The following ZC3H13 variants were observed in gnomAD, a reference collection of about 807,000 sequenced individuals.
ZC3H13 encodes the protein zinc finger CCCH-type containing 13.
Under a neutral mutation model 204.1 loss-of-function variants are expected in ZC3H13, and 64 were observed. The observed-to-expected ratio is 0.31, with a 90% CI of 0.26 to 0.39. The LOEUF (loss-of-function observed/expected upper bound fraction) is 0.39, where lower values mean the gene tolerates loss of function less well. Among genes scored for constraint, ZC3H13 ranks in the 10% least tolerant of loss-of-function variants. The pLI, the probability that ZC3H13 is intolerant of heterozygous loss-of-function variation, is 1.00. For missense variants in ZC3H13, 1,833 were observed against 2,082.7 expected (o/e 0.88, Z 2.33); for synonymous variants, 667 against 693.7 (o/e 0.96, Z 0.60).
Position 46,044,689 on chromosome 13 carries a change from G to C in ZC3H13, c.227+266C>G, listed in dbSNP as rs534047945. ...AAGCAGCAATTTAATACATAATTAGGGGGGAAAAAGTAAGCCATACACATA... is the reference window on the plus strand; with the variant it reads ...AAGCAGCAATTTAATACATAATTAGCGGGGAAAAAGTAAGCCATACACATA... On this transcript the variant is annotated intron_variant, in intron 3 of 18. Transcript: ENST00000679008. Among the ~76,000 whole-genome samples, 19 of 151,978 alleles carry C rather than the reference G, an allele frequency of 1.3e-4. No homozygotes were observed. The South Asian group carries it at 1.5e-3, about 12-fold the overall frequency.
intron 13 of ZC3H13, 121 bp downstream of exon 13, chr13:45,970,241 G>T: frequency 1.9e-6 from 2 of 1,074,938 alleles, no homozygotes; most frequent in Non-Finnish European, 2.7e-6. Context: ...ATATTTAGAG[G>T]CAGCAAAGCA....
intron 16 of ZC3H13, 25 bp downstream of exon 16, chr13:45,965,255 T>G (rs1199758687): frequency 6.2e-7 from 1 of 1,610,130 alleles, no homozygotes; most frequent in Admixed American, 1.7e-5. Context: ...AATTTTCATG[T>G]TTAACCACCT....
chr13:45,966,424 A>C lies in ZC3H13; in HGVS notation c.4322-992T>G, dbSNP rs190368808. Among the ~76,000 whole-genome samples, 25 of 152,312 alleles carry C rather than the reference A, an allele frequency of 1.6e-4. 1 individual carries two copies. In the East Asian group the frequency reaches 4.8e-3, roughly 29 times the overall value. The stretch of plus-strand genomic sequence containing the variant: ...AACTTTGTCATATAAACATACATCT[A>C]AACATAAATGCACATAATAGGATTT... On this transcript the variant is annotated intron_variant, in intron 15 of 18. Coordinates refer to ENST00000679008, the MANE Select transcript of ZC3H13 (RefSeq NM_001330564.2).
In ZC3H13 at chr13:46,010,240, A is replaced by G. The variant is rs199575106; in HGVS notation, c.746+108T>C. Reference sequence around the variant, plus strand: ...ATTTCTTTTTAGAACAAAAAAGCTTACATTAAATATAAAATGTACTAAAAG... The same window carrying G: ...ATTTCTTTTTAGAACAAAAAAGCTTGCATTAAATATAAAATGTACTAAAAG... On this transcript the variant is annotated intron_variant, in intron 7 of 18. Transcript: ENST00000679008. 3.4e-5 allele frequency: 38 copies of G among 1,127,870 alleles called. No homozygotes were observed. In the East Asian group the frequency reaches 1.0e-3, roughly 30 times the overall value. The allele number at this position is 1,127,870 out of a possible 1,614,324, so 69.9% of individuals were successfully genotyped here. A position where few individuals can be genotyped will look rare whatever the true frequency, so the allele number is the denominator to read the frequency against.
At chr13:45,987,849 A>G (rs1360036595) in intron 9 of ZC3H13, among the ~76,000 whole-genome samples, 1 of 152,242 alleles carries the variant, frequency 6.6e-6, no homozygotes, top group Non-Finnish European at 1.5e-5. Flanking sequence ...TACGAAGACC[A>G]GAAGCTTAGA....
chr13:46,037,795 T>C (rs562553916), intron 4 of ZC3H13, among the ~76,000 whole-genome samples: 1 of 152,362 alleles, frequency 6.6e-6, no homozygotes, highest in African/African-American at 2.4e-5. Context: ...ATTAAAATAC[T>C]GATAACATTA....
chr13:46,025,626 T>C (rs2042498940), intron 4 of ZC3H13, among the ~76,000 whole-genome samples: 1 of 152,186 alleles, frequency 6.6e-6, no homozygotes, highest in African/African-American at 2.4e-5. Flanking sequence ...CTCATTTTAT[T>C]TTAAAAGAAT....
At chr13:45,985,798 T>C (rs370912278) in intron 9 of ZC3H13, 37 bp from the exon 10 acceptor site, 1 of 1,533,106 alleles carries the variant, frequency 6.5e-7, no homozygotes. Context: ...GTAATTGCTT[T>C]TACAAAGTTT....
At chr13:45,962,815 C>T (rs1951788233) in intron 17 of ZC3H13, 2 of 985,260 alleles carry the variant, frequency 2.0e-6, no homozygotes, top group Non-Finnish European at 2.4e-6. Context: ...CCTTTTACCT[C>T]CTTTTCCTTC....
chr13:45,972,179 A>G (rs1281422478), intron 12 of ZC3H13, among the ~76,000 whole-genome samples: 1 of 147,396 alleles, frequency 6.8e-6, no homozygotes, highest in Non-Finnish European at 1.5e-5. Flanking sequence ...TCATTATATG[A>G]AAAAAAAAAA....
intron 18 of ZC3H13, among the ~76,000 whole-genome samples, chr13:45,958,253 T>C (rs997970742): frequency 5.9e-5 from 9 of 152,234 alleles, no homozygotes; most frequent in Non-Finnish European, 1.2e-4. Context: ...TTTAATGAAG[T>C]AATCTTTTCT....
chr13:46,023,433 T>C (rs1033929998), intron 4 of ZC3H13, among the ~76,000 whole-genome samples: 23 of 152,190 alleles, frequency 1.5e-4, no homozygotes, highest in African/African-American at 4.8e-4. Flanking sequence ...ACAAATCTAA[T>C]ACTTCTTTCA....
Position 45,965,287 on chromosome 13 carries a change from C to G in ZC3H13, c.4467G>C (p.Lys1489Asn). The G allele has an allele frequency of 6.2e-7, 1 of 1,612,946 alleles. No individual in the cohort carries two copies. The highest frequency in any genetic ancestry group is 1.3e-5 in the African/African-American group (1 of 74,968). Residue 1489 changes from lysine (K) to asparagine (N), a missense_variant, in exon 16 of 19, where the codon AAG becomes AAC. Around this residue, in one of 5 missense-constraint regions of ZC3H13, gnomAD observed 211 missense variants for 228.4 expected, o/e 0.92. Coordinates refer to ENST00000679008, the MANE Select transcript of ZC3H13 (RefSeq NM_001330564.2). ...ACCTCTGCAAATAGTTACCTGGCAT[C>G]TTCTCCTCATCCTGTTGGTCCTCCC... ...EKREDQQDEEKMPDPLDVIDV... is the reference protein window; with the variant it reads ...EKREDQQDEENMPDPLDVIDV...
chr13:45,964,864 T>C (rs117271679), intron 16 of ZC3H13, among the ~76,000 whole-genome samples: 1,570 of 152,316 alleles, frequency 0.01, 9 homozygotes, highest in Middle Eastern at 0.017. Flanking sequence ...GTATATAGTG[T>C]TCAAATATAA....
chr13:45,963,714 T>C lies in ZC3H13; in HGVS notation c.4675+128A>G, dbSNP rs1951858049. The C allele has an allele frequency of 4.7e-6, 7 of 1,499,056 alleles. No individual in the cohort carries two copies. In the Admixed American group the frequency reaches 7.0e-5, roughly 15 times the overall value. 92.9% of individuals were successfully genotyped at this position (1,499,056 alleles called of 1,614,324 possible). A position where few individuals can be genotyped will look rare whatever the true frequency, so the allele number is the denominator to read the frequency against. ...GACCATGAGGGTTAAATAATGATTA[T>C]AAAATGATTTCTCAAAAAATAGTTT... is the stretch of plus-strand genomic sequence containing the variant. On this transcript the variant is annotated intron_variant, in intron 17 of 18. Transcript: ENST00000679008.
At chr13:46,005,910 C>G (rs148886347) in intron 7 of ZC3H13, among the ~76,000 whole-genome samples, 103 of 152,092 alleles carry the variant, frequency 6.8e-4, no homozygotes, top group African/African-American at 2.3e-3. Flanking sequence ...GCATGACCAA[C>G]ATGGTGAAAC....
chr13:46,033,957 G>T (rs146658830), intron 4 of ZC3H13, among the ~76,000 whole-genome samples: 30 of 152,032 alleles, frequency 2.0e-4, no homozygotes, highest in African/African-American at 6.7e-4. Context: ...ATTACCAATT[G>T]GTAATAGGAC....
intron 15 of ZC3H13, among the ~76,000 whole-genome samples, chr13:45,966,099 C>G (rs1291646321): frequency 6.6e-6 from 1 of 151,616 alleles, no homozygotes; most frequent in Non-Finnish European, 1.5e-5. Context: ...TTTATTTTAC[C>G]AACTTTTTTC....
chr13:45,979,765 C>A, intron 11 of ZC3H13, 48 bp downstream of exon 11: 1 of 1,485,768 alleles, frequency 6.7e-7, no homozygotes. Flanking sequence ...AAAAACAATT[C>A]GCCCAATTGA....
Sources: gnomAD v4.1 joint callset for allele counts (sites outside exome capture counted in the v4.1 genomes callset) on GRCh38, gnomAD v4.1.1 for gene constraint, gnomAD v4.1.1 regional missense constraint, MANE v1.5 for transcripts, NCBI Gene and HGNC (gene_info 2026-07-23, HGNC 2026-07-21) for gene names.